POTEM: variants seen among roughly 807,000 people sequenced by gnomAD.
POTEM encodes the protein putative POTE ankyrin domain family member M.
For synonymous variants in POTEM, 8 were observed against 113.2 expected (o/e 0.07, Z 5.90); for missense variants, 24 against 343.0 (o/e 0.07, Z 7.35).
intron 9 of POTEM, among the ~76,000 whole-genome samples, chr14:18,992,596 GC>G (rs1217907673): frequency 4.2e-5 from 2 of 47,870 alleles, no homozygotes; most frequent in African/African-American, 9.7e-5. Context: ...AAAAGGCCTA[GC>G]CTATCAGACG....
At chr14:18,968,748 G>A (rs368161066) in intron 1 of POTEM, among the ~76,000 whole-genome samples, 5,818 of 124,628 alleles carry the variant, frequency 0.047, no homozygotes, top group East Asian at 0.12. Context: ...GCGTGAACCC[G>A]GGAGGCGGAG....
chr14:18,985,893 G>A (rs1891170410), intron 7 of POTEM, among the ~76,000 whole-genome samples: 1 of 117,282 alleles, frequency 8.5e-6, no homozygotes, highest in Non-Finnish European at 1.6e-5. Context: ...GACAGAGCAA[G>A]ACTCTGTGTC....
chr14:18,969,539 GC>G (rs1890862232), intron 1 of POTEM, among the ~76,000 whole-genome samples: 1 of 56,362 alleles, frequency 1.8e-5, no homozygotes, highest in Non-Finnish European at 3.2e-5. Flanking sequence ...CTGCCACCAC[GC>G]CTGGCTAATT....
chr14:18,968,789 C>G (rs1890826141), intron 1 of POTEM, among the ~76,000 whole-genome samples: 2 of 152,292 alleles, frequency 1.3e-5, no homozygotes, highest in South Asian at 2.1e-4. Flanking sequence ...CGCCACTGTA[C>G]TCCAGCCTGG....
rs1349544772 is a variant in POTEM at position 18,999,306 on chromosome 14, C to T, written c.*641C>T. Among the ~76,000 whole-genome samples the T allele has an allele frequency of 4.9e-3, 609 of 124,744 alleles. No individual in the cohort carries two copies. Among genetic ancestry groups the T allele is most frequent in the African/African-American group, 0.019 (574 of 30,936 alleles). The allele number at this position is 124,744 out of a possible 152,430, so 81.8% of individuals were successfully genotyped here. A position where few individuals can be genotyped will look rare whatever the true frequency, so the allele number is the denominator to read the frequency against. ...CGTGCTGTCCTTGTACACCTCTGGC[C>T]GTACTACTGGCATTGTGATGGACTC... On this transcript the variant is annotated 3_prime_UTR_variant, in exon 11 of 11. Transcript: ENST00000547889.
In POTEM at chr14:18,996,191, G is replaced by A. The variant is rs1224809018; in HGVS notation, c.1410-850G>A. ...ATATGCATGAAATAAAAGTAAAATG[G>A]AAAGTGCTTAACGATGAGTTTATTT... On this transcript the variant is annotated intron_variant, in intron 9 of 10. Transcript: ENST00000547889. Among the ~76,000 whole-genome samples, 43 of 151,614 alleles carry A rather than the reference G, an allele frequency of 2.8e-4. No homozygotes were observed. The East Asian group carries it at 7.9e-3, about 28-fold the overall frequency.
At chr14:18,969,384 A>G (rs1453644990) in intron 1 of POTEM, among the ~76,000 whole-genome samples, 3 of 67,006 alleles carry the variant, frequency 4.5e-5, no homozygotes, top group Non-Finnish European at 1.3e-4. Context: ...TATATACACA[A>G]AATTTCTTTT....
Position 18,999,422 on chromosome 14 carries a change from G to A in POTEM, c.*757G>A, listed in dbSNP as rs1168504185. Among the ~76,000 whole-genome samples the A allele has an allele frequency of 1.5e-5, 2 of 131,946 alleles. No individual in the cohort carries two copies. Among genetic ancestry groups the A allele is most frequent in the Admixed American group, 7.9e-5 (1 of 12,736 alleles). 86.6% of individuals were successfully genotyped at this position (131,946 alleles called of 152,430 possible). On this transcript the variant is annotated 3_prime_UTR_variant, in exon 11 of 11. Coordinates refer to ENST00000547889, the MANE Select transcript of POTEM (RefSeq NM_001145442.1). Reference sequence around the variant, plus strand: ...GCCTAGACCTGGCTGGCCGGGAACTGACTGACTACCTCATGAAGATCCTCA... The same window carrying A: ...GCCTAGACCTGGCTGGCCGGGAACTAACTGACTACCTCATGAAGATCCTCA...
intron 7 of POTEM, among the ~76,000 whole-genome samples, chr14:18,986,612 A>G (rs1891188846): frequency 7.0e-6 from 1 of 143,086 alleles, no homozygotes; most frequent in African/African-American, 2.8e-5. Flanking sequence ...CTATCATATT[A>G]CAGTATATAA....
At chr14:18,982,370 C>G (rs1225729438) in intron 6 of POTEM, among the ~76,000 whole-genome samples, 1 of 152,192 alleles carries the variant, frequency 6.6e-6, no homozygotes, top group African/African-American at 2.4e-5. Context: ...CTGTAAAGGA[C>G]TAGGTGGGAA....
At chr14:18,969,233 A>G (rs1467671946) in intron 1 of POTEM, among the ~76,000 whole-genome samples, 1 of 133,174 alleles carries the variant, frequency 7.5e-6, no homozygotes, top group African/African-American at 3.0e-5. Flanking sequence ...CAAAAAGAGA[A>G]ACATACCAGA....
At chr14:18,986,344 A>G (rs1173647837) in intron 7 of POTEM, among the ~76,000 whole-genome samples, 1 of 141,642 alleles carries the variant, frequency 7.1e-6, no homozygotes, top group East Asian at 2.0e-4. Flanking sequence ...TTAAAGATAT[A>G]TTCTGCCTTG....
intron 3 of POTEM, among the ~76,000 whole-genome samples, chr14:18,975,200 C>A (rs1338791587): frequency 1.3e-5 from 1 of 79,664 alleles, no homozygotes; most frequent in Admixed American, 1.1e-4. Flanking sequence ...AGCAGTCTTT[C>A]AATAAGTAGA....
intron 1 of POTEM, among the ~76,000 whole-genome samples, chr14:18,969,389 TC>T (rs1233559190): frequency 1.6e-5 from 2 of 127,358 alleles, no homozygotes; most frequent in Admixed American, 7.4e-5. Context: ...ACACAAAATT[TC>T]TTTTTTTTTT....
chr14:18,982,721 A>C (rs1594276041), intron 6 of POTEM, among the ~76,000 whole-genome samples: 1 of 72,752 alleles, frequency 1.4e-5, no homozygotes. Context: ...AATCTCAATT[A>C]CTCGTTTTAA....
At chr14:18,969,359 A>ATATATATATATATATATATATACATGTG (rs1890853750) in intron 1 of POTEM, among the ~76,000 whole-genome samples, 2 of 87,550 alleles carry the variant, frequency 2.3e-5, no homozygotes, top group Admixed American at 1.4e-4. Context: ...ATACATGTGT[A>ATATATATATATATATATATATACATGTG]TATATATATA....
rs1361056883 is a variant in POTEM, at chr14:19,002,949, A to T, written c.*4284A>T. 6.6e-6 allele frequency among the ~76,000 whole-genome samples: 1 copy of T among 152,238 alleles called. No individual in the cohort carries two copies. Among genetic ancestry groups the T allele is most frequent in the Non-Finnish European group, 1.5e-5 (1 of 68,030 alleles). ...TTCAGCCCATAATTTCATGTCCAGC[A>T]AAATTAGGCATCATAAGTGAAGGAG... On this transcript the variant is annotated 3_prime_UTR_variant, in exon 11 of 11. Transcript: ENST00000547889.
At chr14:18,975,041 G>C (rs1594272798) in intron 3 of POTEM, 1 of 351,560 alleles carries the variant, frequency 2.8e-6, no homozygotes, top group Non-Finnish European at 5.4e-6. Flanking sequence ...TCCTGGCCTA[G>C]TCTGACTTTT....
chr14:18,982,741 CTTTGTT>C (rs1397954866), intron 6 of POTEM, among the ~76,000 whole-genome samples: 951 of 64,012 alleles, frequency 0.015, 4 homozygotes, highest in East Asian at 0.059. Flanking sequence ...ATATGTTGGC[CTTTGTT>C]TTTGTTTTTT....
Sources: allele counts gnomAD v4.1 joint callset (sites outside exome capture counted in the v4.1 genomes callset), GRCh38; gene constraint gnomAD v4.1.1; transcripts MANE v1.5; gene names NCBI Gene and HGNC (gene_info 2026-07-23, HGNC 2026-07-21).